The following RAD9B variants were observed in gnomAD, a reference collection of about 807,000 sequenced individuals.
RAD9B encodes cell cycle checkpoint control protein RAD9B.
In RAD9B, 41 loss-of-function variants were observed where a neutral mutation model predicts 48.3. The ratio of observed to expected loss-of-function variants is 0.85; its 90% CI spans 0.66 to 1.10. The LOEUF is 1.10. Among genes scored for constraint, RAD9B ranks in the 50% least tolerant of loss-of-function variants. The pLI is 0.00. For missense variants in RAD9B, 444 were observed against 485.1 expected, an observed-to-expected ratio of 0.92 and a Z score of 0.80; for synonymous variants, 160 against 157.9, an observed-to-expected ratio of 1.01 and a Z score of -0.10.
At chr12:110,527,003 T>A (rs1237428915) in intron 10 of RAD9B, among the ~76,000 whole-genome samples, 1 of 152,106 alleles carries the variant, frequency 6.6e-6, no homozygotes, top group African/African-American at 2.4e-5. Flanking sequence ...TGCCACAAAT[T>A]TAGTGGCTTG....
chr12:110,514,885 A>C (rs2063562769), intron 5 of RAD9B, among the ~76,000 whole-genome samples, 165 bp from the exon 6 acceptor site: 1 of 152,262 alleles, frequency 6.6e-6, no homozygotes, highest in African/African-American at 2.4e-5. Context: ...TGCTGAAAAT[A>C]TAGCAGCTAT....
At chr12:110,517,809 C>T (rs930696245) in intron 6 of RAD9B, among the ~76,000 whole-genome samples, 7 of 149,048 alleles carry the variant, frequency 4.7e-5, no homozygotes, top group Admixed American at 4.7e-4. Context: ...TAAAAATGTG[C>T]TTATTGACAT....
chr12:110,518,991 C>T, intron 8 of RAD9B, 53 bp downstream of exon 8: 1 of 1,218,362 alleles, frequency 8.2e-7, no homozygotes, highest in South Asian at 1.4e-5. Context: ...ATATCAATAA[C>T]AAAACCTTTT....
Position 110,531,172 on chromosome 12 carries a change from C to G in RAD9B, c.*519C>G, listed in dbSNP as rs995091552. On this transcript the variant is annotated 3_prime_UTR_variant, in exon 11 of 11. Transcript: ENST00000409300. ...GTAGAATAAACCCTGGAAAAAAGAT[C>G]AAGAGTAAAAATATATAGTCACTTT... 6 of 987,448 alleles carry G rather than the reference C, an allele frequency of 6.1e-6. No individual in the cohort carries two copies. Among genetic ancestry groups the G allele is most frequent in the Admixed American group, 5.9e-5 (1 of 16,900 alleles). 61.2% of individuals were successfully genotyped at this position (987,448 alleles called of 1,614,324 possible).
intron 10 of RAD9B, among the ~76,000 whole-genome samples, chr12:110,527,695 G>C (rs748945554): frequency 1.2e-4 from 19 of 152,186 alleles, no homozygotes; most frequent in Non-Finnish European, 2.2e-4. Flanking sequence ...ATCACGTATC[G>C]GGACTAGGGT....
At chr12:110,522,441 A>C in intron 10 of RAD9B, 30 bp downstream of exon 10, 2 of 1,470,560 alleles carry the variant, frequency 1.4e-6, no homozygotes, top group Non-Finnish European at 1.9e-6. Flanking sequence ...ACCACATCTC[A>C]GTCAAGAATT....
chr12:110,522,906 A>G (rs2063828371), intron 10 of RAD9B, among the ~76,000 whole-genome samples: 1 of 152,250 alleles, frequency 6.6e-6, no homozygotes, highest in African/African-American at 2.4e-5. Flanking sequence ...ATCTTATTCT[A>G]TAAGATAGAT....
intron 10 of RAD9B, among the ~76,000 whole-genome samples, chr12:110,525,217 C>T (rs2063900040): frequency 6.6e-6 from 1 of 152,044 alleles, no homozygotes; most frequent in South Asian, 2.1e-4. Context: ...TCTCGATCTC[C>T]CGACCTCAGG....
rs756164988 is a variant in RAD9B at position 110,530,600 on chromosome 12, A to G, written c.1201A>G (p.Arg401Gly). ...CAACCACCCTTTCGACAGTCTGGCA[A>G]GAGCAAGTGACAGTGAAGAGGACAT... ...HFNHPFDSLA[R>G]ASDSEEDMNN... Residue 401 changes from arginine to glycine, a missense_variant, in exon 11 of 11, where the codon AGA becomes GGA. By Grantham distance (125) the Arg-to-Gly change is moderately radical. Coordinates refer to ENST00000409300, the MANE Select transcript of RAD9B (RefSeq NM_001286535.2). The G allele has an allele frequency of 6.2e-7, 1 of 1,614,024 alleles. No homozygotes were observed. Among genetic ancestry groups the G allele is most frequent in the South Asian group, 1.1e-5 (1 of 91,080 alleles).
chr12:110,505,522 C>A, intron 2 of RAD9B, 95 bp from the exon 3 acceptor site: 1 of 1,086,894 alleles, frequency 9.2e-7, no homozygotes. Flanking sequence ...TTCCATCCAT[C>A]CTCCTGCCTT....
intron 5 of RAD9B, among the ~76,000 whole-genome samples, chr12:110,514,048 C>G (rs969577684): frequency 6.6e-6 from 1 of 151,764 alleles, no homozygotes. Flanking sequence ...TTCCTTCCTT[C>G]CTTCCTTCCT....
At chr12:110,529,171 G>A (rs1231923304) in intron 10 of RAD9B, among the ~76,000 whole-genome samples, 1 of 151,894 alleles carries the variant, frequency 6.6e-6, no homozygotes, top group Non-Finnish European at 1.5e-5. Flanking sequence ...TTTAGAGATG[G>A]AGTTTCGCTC....
chr12:110,504,444 G>C (rs1236696147), intron 2 of RAD9B, among the ~76,000 whole-genome samples: 1 of 147,118 alleles, frequency 6.8e-6, no homozygotes, highest in Non-Finnish European at 1.5e-5. Flanking sequence ...CTGCACTCCA[G>C]CCTGGGCAAC....
At position 110,521,559 on chromosome 12, in the gene RAD9B, T is replaced by C. The variant is rs576386960; in HGVS notation, c.891-618T>C. Among the ~76,000 whole-genome samples the C allele has an allele frequency of 2.0e-5, 3 of 149,270 alleles. No individual in the cohort carries two copies. The East Asian group carries it at 5.8e-4, about 29-fold the overall frequency. On this transcript the variant is annotated intron_variant, in intron 9 of 10. Transcript: ENST00000409300. ...TAATGACTTGAAAACATAATTCTTT[T>C]TTTTTTTTTTTTTTTGAGTCAGAGT...
At chr12:110,525,581 G>T (rs1218780108) in intron 10 of RAD9B, among the ~76,000 whole-genome samples, 4 of 152,072 alleles carry the variant, frequency 2.6e-5, no homozygotes, top group Non-Finnish European at 4.4e-5. Flanking sequence ...GGAGGCACAG[G>T]TTGGTTTTTC....
intron 9 of RAD9B, among the ~76,000 whole-genome samples, chr12:110,520,725 A>G (rs1362489442): frequency 7.1e-6 from 1 of 139,862 alleles, no homozygotes; most frequent in African/African-American, 2.7e-5. Context: ...ATCTCAGCTC[A>G]CTAAAACCTC....
rs142054907 is a variant in RAD9B, at chr12:110,512,779, G to T, written c.389G>T (p.Gly130Val). Reference protein sequence around the residue: ...KVVIQFFYRHGIKRTHNICFQ... With the variant: ...KVVIQFFYRHVIKRTHNICFQ... The stretch of plus-strand genomic sequence containing the variant: ...AAGAGGTGGCTTTATTCTTTTTAAG[G>T]TATTAAAAGAACTCATAATATATGT... Residue 130 changes from glycine (G) to valine (V), a missense_variant and splice_region_variant, in exon 5 of 11, where the codon GGT becomes GTT. Transcript: ENST00000409300. The T allele has an allele frequency of 1.9e-4, 234 of 1,232,458 alleles. No homozygotes were observed. The African/African-American group carries it at 2.5e-3, about 13-fold the overall frequency. The allele number at this position is 1,232,458 out of a possible 1,614,324, so 76.3% of individuals were successfully genotyped here.
intron 10 of RAD9B, among the ~76,000 whole-genome samples, chr12:110,527,943 G>T (rs142695224): frequency 0.01 from 1,585 of 152,218 alleles, 34 homozygotes; most frequent in Middle Eastern, 0.041. Context: ...GGAGCCTGGG[G>T]GCTTGAAGGA....
intron 10 of RAD9B, among the ~76,000 whole-genome samples, chr12:110,530,007 A>C (rs2064079931): frequency 1.3e-5 from 2 of 151,976 alleles, no homozygotes; most frequent in African/African-American, 4.8e-5. Flanking sequence ...CAAACTGAAG[A>C]TTGTCATGTG....
Sources: gnomAD v4.1 joint callset for allele counts (sites outside exome capture counted in the v4.1 genomes callset) on GRCh38, gnomAD v4.1.1 for gene constraint, MANE v1.5 for transcripts, NCBI Gene and HGNC (gene_info 2026-07-23, HGNC 2026-07-21) for gene names.